NWD2: variants seen among roughly 807,000 people sequenced by gnomAD.
NWD2 encodes NACHT and WD repeat domain containing 2.
A neutral mutation model predicts 132.7 loss-of-function variants in NWD2; 37 were observed. That is an observed-to-expected ratio of 0.28 (90% CI 0.21 to 0.37). The LOEUF (loss-of-function observed/expected upper bound fraction) is 0.37, where lower values mean the gene tolerates loss of function less well. Among genes scored for constraint, NWD2 ranks in the 10% least tolerant of loss-of-function variants. The pLI is 1.00. For missense variants in NWD2, 1,592 were observed against 2,122.4 expected (o/e 0.75, Z 4.91); for synonymous variants, 705 against 803.0 (o/e 0.88, Z 2.06).
chr4:37,368,697 G>A (rs936284480), intron 3 of NWD2, among the ~76,000 whole-genome samples: 1 of 152,128 alleles, frequency 6.6e-6, no homozygotes, highest in Non-Finnish European at 1.5e-5. Context: ...GGAGAGGTGA[G>A]GGTACTTTGA....
chr4:37,282,506 T>C lies in NWD2; in HGVS notation c.151+37288T>C, dbSNP rs114435279. Among the ~76,000 whole-genome samples, 584 of 152,308 alleles carry C rather than the reference T, an allele frequency of 3.8e-3. 4 individuals carry two copies. The highest frequency in any genetic ancestry group is 0.013 in the African/African-American group (545 of 41,568). ...TGTCTCCCTGTTAAATAAACAGTAATTCAGTAAATCAGATCCATTGACCTT... is the reference window on the plus strand; with the variant it reads ...TGTCTCCCTGTTAAATAAACAGTAACTCAGTAAATCAGATCCATTGACCTT... On this transcript the variant is annotated intron_variant, in intron 1 of 6. Transcript: ENST00000309447.
intron 3 of NWD2, among the ~76,000 whole-genome samples, chr4:37,362,284 A>G (rs1362594610): frequency 6.6e-6 from 1 of 152,242 alleles, no homozygotes; most frequent in Non-Finnish European, 1.5e-5. Flanking sequence ...TCAAACTACC[A>G]ACGTCATTTT....
At chr4:37,330,491 T>TA (rs1381996989) in intron 2 of NWD2, among the ~76,000 whole-genome samples, 2 of 152,088 alleles carry the variant, frequency 1.3e-5, no homozygotes, top group Non-Finnish European at 2.9e-5. Context: ...ATAAAATAAA[T>TA]AAAGAGCTTG....
chr4:37,330,501 G>A (rs1457452938), intron 2 of NWD2, among the ~76,000 whole-genome samples: 2 of 152,166 alleles, frequency 1.3e-5, no homozygotes, highest in Admixed American at 6.6e-5. Context: ...TAAAGAGCTT[G>A]TGATTATACC....
intron 2 of NWD2, among the ~76,000 whole-genome samples, chr4:37,334,927 G>T (rs570241628): frequency 1.2e-4 from 19 of 152,126 alleles, no homozygotes; most frequent in African/African-American, 4.6e-4. Context: ...TGTTCCTTTT[G>T]TTCGTATCTG....
At chr4:37,293,726 A>G (rs1718414794) in intron 1 of NWD2, among the ~76,000 whole-genome samples, 2 of 152,172 alleles carry the variant, frequency 1.3e-5, no homozygotes, top group African/African-American at 4.8e-5. Flanking sequence ...AAGTTATACG[A>G]AGAAGGAATA....
chr4:37,333,381 C>G (rs896595309), intron 2 of NWD2, among the ~76,000 whole-genome samples: 2 of 152,152 alleles, frequency 1.3e-5, no homozygotes, highest in Admixed American at 6.5e-5. Context: ...CCAGGAAGCT[C>G]AGCACAGAGA....
chr4:37,348,969 G>A (rs902092815), intron 2 of NWD2, among the ~76,000 whole-genome samples: 3 of 151,818 alleles, frequency 2.0e-5, no homozygotes, highest in East Asian at 3.9e-4. Context: ...TGCTGAGAAT[G>A]ATGGTTTCCA....
At chr4:37,440,968 T>C (rs1244676789) in intron 6 of NWD2, among the ~76,000 whole-genome samples, 1 of 152,254 alleles carries the variant, frequency 6.6e-6, no homozygotes. Context: ...TAACCTGTCA[T>C]GTGCTACATA....
At chr4:37,304,773 A>G (rs1344188006) in intron 1 of NWD2, among the ~76,000 whole-genome samples, 1 of 152,190 alleles carries the variant, frequency 6.6e-6, no homozygotes, top group East Asian at 1.9e-4. Flanking sequence ...GCTGCTCTCA[A>G]GGGCTACTGT....
chr4:37,363,396 G>A (rs532777063), intron 3 of NWD2, among the ~76,000 whole-genome samples: 6 of 152,152 alleles, frequency 3.9e-5, no homozygotes, highest in Admixed American at 6.5e-5. Context: ...AGGTGTCCAC[G>A]TCTAGTGGAT....
intron 2 of NWD2, among the ~76,000 whole-genome samples, chr4:37,353,194 G>A (rs1440119704): frequency 6.6e-6 from 1 of 152,196 alleles, no homozygotes; most frequent in Non-Finnish European, 1.5e-5. Context: ...CTCTCTTCTG[G>A]CTTGTAGTGT....
chr4:37,420,458 G>A (rs1711773174), intron 3 of NWD2, among the ~76,000 whole-genome samples: 1 of 152,290 alleles, frequency 6.6e-6, no homozygotes, highest in South Asian at 2.1e-4. Flanking sequence ...GGCTCAGGTG[G>A]GTGGATCACG....
intron 4 of NWD2, among the ~76,000 whole-genome samples, chr4:37,433,079 T>C (rs1401930919): frequency 6.6e-6 from 1 of 152,214 alleles, no homozygotes; most frequent in East Asian, 1.9e-4. Context: ...GGAAATCATA[T>C]CAGAATCCTT....
At position 37,245,185 on chromosome 4, in the gene NWD2, A is replaced by C. The variant is rs1304436753; in HGVS notation, c.118A>C (p.Ser40Arg). Residue 40 changes from serine to arginine, a missense_variant, in exon 1 of 7, where the codon AGC (serine) becomes CGC (arginine). Coordinates refer to ENST00000309447, the MANE Select transcript of NWD2 (RefSeq NM_001144990.2). ...LPSHLVPAGR[S>R]VRVFISANPE... ...CTCTCACCTCGTGCCCGCCGGCCGCAGCGTCCGGGTCTTCATCAGCGCCAA... is the reference window on the plus strand; with the variant it reads ...CTCTCACCTCGTGCCCGCCGGCCGCCGCGTCCGGGTCTTCATCAGCGCCAA... 4 of 1,543,596 alleles carry C rather than the reference A, an allele frequency of 2.6e-6. No individual in the cohort carries two copies. The highest frequency in any genetic ancestry group is 3.9e-5 in the Admixed American group (2 of 50,878).
At chr4:37,291,742 C>T (rs1718365088) in intron 1 of NWD2, among the ~76,000 whole-genome samples, 1 of 151,936 alleles carries the variant, frequency 6.6e-6, no homozygotes, top group South Asian at 2.1e-4. Context: ...CTGTGTAAAA[C>T]TGTATCAGTG....
intron 2 of NWD2, among the ~76,000 whole-genome samples, chr4:37,350,138 C>G (rs1719731234): frequency 6.6e-6 from 1 of 152,204 alleles, no homozygotes; most frequent in African/African-American, 2.4e-5. Flanking sequence ...CGGCTTTGTT[C>G]TTTTTACTTA....
At chr4:37,263,863 G>C (rs910888222) in intron 1 of NWD2, among the ~76,000 whole-genome samples, 1 of 152,150 alleles carries the variant, frequency 6.6e-6, no homozygotes, top group African/African-American at 2.4e-5. Context: ...ATTTTAGATG[G>C]TCATTGGAAG....
At chr4:37,386,504 A>T (rs1720566895) in intron 3 of NWD2, among the ~76,000 whole-genome samples, 1 of 152,000 alleles carries the variant, frequency 6.6e-6, no homozygotes, top group Non-Finnish European at 1.5e-5. Context: ...CTGTATCCTA[A>T]CTTAGCACTC....
Sources: allele counts gnomAD v4.1 joint callset (sites outside exome capture counted in the v4.1 genomes callset), GRCh38; gene constraint gnomAD v4.1.1; transcripts MANE v1.5; gene names NCBI Gene and HGNC (gene_info 2026-07-23, HGNC 2026-07-21).